Variants in FAM163A observed in about 807,000 individuals in gnomAD.
FAM163A encodes the protein protein FAM163A.
FAM163A carries 7 observed loss-of-function variants against 12.0 expected under a neutral mutation model. That is an observed-to-expected ratio of 0.58 (90% CI 0.33 to 1.10). The LOEUF (loss-of-function observed/expected upper bound fraction) is 1.10, where lower values mean the gene tolerates loss of function less well. Ranked by LOEUF, FAM163A falls within the 50% of genes least tolerant of loss-of-function variation. The pLI is 0.03. For synonymous variants in FAM163A, 101 were observed against 91.0 expected, an observed-to-expected ratio of 1.11 and a Z score of -0.62; for missense variants, 202 against 218.6, an observed-to-expected ratio of 0.92 and a Z score of 0.48.
intron 1 of FAM163A, among the ~76,000 whole-genome samples, chr1:179,798,245 G>A (rs1692648077): frequency 6.6e-6 from 1 of 152,190 alleles, no homozygotes; most frequent in Non-Finnish European, 1.5e-5. Flanking sequence ...TATAAGGCAT[G>A]TGTTTAGATG....
intron 1 of FAM163A, among the ~76,000 whole-genome samples, chr1:179,791,201 G>C (rs550494974): frequency 6.6e-6 from 1 of 152,298 alleles, no homozygotes; most frequent in Non-Finnish European, 1.5e-5. Context: ...AACGTTATGA[G>C]ACTTCAGTGT....
intron 1 of FAM163A, among the ~76,000 whole-genome samples, chr1:179,778,251 G>T (rs1228092127): frequency 1.3e-5 from 2 of 152,118 alleles, no homozygotes; most frequent in Non-Finnish European, 2.9e-5. Flanking sequence ...TCACGAGGAG[G>T]CCAGAGCAGC....
the FAM163A span, among the ~76,000 whole-genome samples, chr1:179,737,860 C>T: frequency 2.6e-5 from 4 of 151,786 alleles, no homozygotes; most frequent in Non-Finnish European, 4.4e-5. Flanking sequence ...CCTTAAAAAG[C>T]GAAGAGATGC....
intron 1 of FAM163A, among the ~76,000 whole-genome samples, chr1:179,745,238 C>T (rs1319376423): frequency 6.6e-6 from 1 of 152,132 alleles, no homozygotes; most frequent in Non-Finnish European, 1.5e-5. Flanking sequence ...TAGAGATCTG[C>T]ATTCAGTGAC....
chr1:179,734,837 A>T, the FAM163A span, among the ~76,000 whole-genome samples: 1 of 152,164 alleles, frequency 6.6e-6, no homozygotes, highest in Non-Finnish European at 1.5e-5. Flanking sequence ...CACCAATTAT[A>T]CTGCCAACAT....
the FAM163A span, among the ~76,000 whole-genome samples, chr1:179,735,413 G>A: frequency 2.0e-5 from 3 of 149,084 alleles, no homozygotes; most frequent in Non-Finnish European, 4.5e-5. Flanking sequence ...GAGGTCAAAA[G>A]TTGGAGTTCA....
At chr1:179,749,406 C>G (rs993595540) in intron 1 of FAM163A, among the ~76,000 whole-genome samples, 1 of 152,158 alleles carries the variant, frequency 6.6e-6, no homozygotes, top group African/African-American at 2.4e-5. Context: ...GCATGATAAG[C>G]AGTAGCAGAC....
intron 1 of FAM163A, among the ~76,000 whole-genome samples, chr1:179,754,500 G>T (rs2148005482): frequency 6.6e-6 from 1 of 152,164 alleles, no homozygotes; most frequent in South Asian, 2.1e-4. Flanking sequence ...GCAGGAGAAA[G>T]TGCATAACTG....
intron 1 of FAM163A, among the ~76,000 whole-genome samples, chr1:179,800,581 G>A (rs917104059): frequency 3.3e-5 from 5 of 152,312 alleles, no homozygotes; most frequent in Non-Finnish European, 7.4e-5. Flanking sequence ...TGGACACTGG[G>A]GGTCCTGAAA....
the FAM163A span, among the ~76,000 whole-genome samples, chr1:179,735,479 G>A: frequency 1.4e-5 from 2 of 140,612 alleles, no homozygotes; most frequent in South Asian, 2.4e-4. Context: ...AGTTGGAACC[G>A]TAAAGGAGTT....
chr1:179,790,276 TA>T (rs1208598062), intron 1 of FAM163A, among the ~76,000 whole-genome samples: 1 of 129,570 alleles, frequency 7.7e-6, no homozygotes, highest in African/African-American at 3.1e-5. Context: ...ACTGCAAAAC[TA>T]AGAGGTTTTT....
At chr1:179,740,021 C>T (rs74507040), upstream of FAM163A, among the ~76,000 whole-genome samples, 1,433 of 152,338 alleles carry the variant, frequency 9.4e-3, 16 homozygotes, top group Admixed American at 0.018. Flanking sequence ...AACAACTAAG[C>T]ATGTGACTAC....
intron 3 of FAM163A, among the ~76,000 whole-genome samples, 192 bp from the exon 4 acceptor site, chr1:179,812,884 C>T (rs1474967054): frequency 2.0e-5 from 3 of 152,176 alleles, no homozygotes; most frequent in African/African-American, 4.8e-5. Flanking sequence ...TCAACTTCGC[C>T]CACTTAGGCT....
intron 1 of FAM163A, among the ~76,000 whole-genome samples, chr1:179,782,431 G>A (rs942118254): frequency 6.6e-5 from 10 of 152,008 alleles, no homozygotes; most frequent in African/African-American, 2.4e-4. Flanking sequence ...TGTGGTCCGG[G>A]CAGCACAGGA....
intron 1 of FAM163A, among the ~76,000 whole-genome samples, chr1:179,798,434 T>C (rs6695329): frequency 0.37 from 56,660 of 152,110 alleles, 10,846 homozygotes; most frequent in Middle Eastern, 0.5. Flanking sequence ...TGCCTCTGGA[T>C]GGCCCCTCCA....
intron 1 of FAM163A, among the ~76,000 whole-genome samples, chr1:179,777,927 A>C (rs1378476581): frequency 1.3e-5 from 2 of 152,194 alleles, no homozygotes; most frequent in Non-Finnish European, 2.9e-5. Context: ...GACTGGCTGC[A>C]TGTTGCTATG....
intron 1 of FAM163A, among the ~76,000 whole-genome samples, chr1:179,790,064 T>C (rs1300039631): frequency 1.3e-5 from 2 of 151,576 alleles, no homozygotes; most frequent in Non-Finnish European, 2.9e-5. Flanking sequence ...GGAGAAGAGA[T>C]TGGTAGGAAA....
At chr1:179,740,125 T>C (rs1683449436), upstream of FAM163A, among the ~76,000 whole-genome samples, 1 of 152,206 alleles carries the variant, frequency 6.6e-6, no homozygotes, top group South Asian at 2.1e-4. Context: ...AAATGTATGC[T>C]CACTTGTAAA....
At chr1:179,759,725 G>A (rs2504051) in intron 1 of FAM163A, among the ~76,000 whole-genome samples, 42,158 of 151,742 alleles carry the variant, frequency 0.28, 6,025 homozygotes, top group South Asian at 0.41. Context: ...GGAGTGCGGC[G>A]GCACAATGTT....
Sources: gnomAD v4.1 joint callset for allele counts (sites outside exome capture counted in the v4.1 genomes callset) on GRCh38, gnomAD v4.1.1 for gene constraint, MANE v1.5 for transcripts, NCBI Gene and HGNC (gene_info 2026-07-23, HGNC 2026-07-21) for gene names.